Variants in NXPE1 observed in about 807,000 individuals in gnomAD.
NXPE1 encodes the protein NXPE family member 1.
NXPE1 carries 31 observed loss-of-function variants against 33.3 expected under a neutral mutation model. The ratio of observed to expected loss-of-function variants is 0.93; its 90% CI spans 0.70 to 1.26. The LOEUF (loss-of-function observed/expected upper bound fraction) is 1.26. Among genes scored for constraint, NXPE1 ranks in the 50% most tolerant of loss-of-function variants. The pLI is 0.00. For synonymous variants in NXPE1, 229 were observed against 231.4 expected (o/e 0.99, Z 0.09); for missense variants, 661 against 655.6 (o/e 1.01, Z -0.09).
At chr11:114,527,897 T>G (rs1947428649) in exon 7 of NXPE1, 1 of 1,555,866 alleles carries the variant, frequency 6.4e-7, no homozygotes, top group African/African-American at 2.0e-5. Flanking sequence ...ACTCCCACTT[T>G]GGACCTTCAA....
intron 1 of NXPE1, chr11:114,554,123 A>G (rs565606541): frequency 1.0e-6 from 1 of 985,368 alleles, no homozygotes; most frequent in South Asian, 4.7e-5. Context: ...ATGCTTCTAT[A>G]TGGTCATCCT....
intron 6 of NXPE1, 28 bp from the exon 7 acceptor site, chr11:114,527,929 TA>T: frequency 6.4e-7 from 1 of 1,551,136 alleles, no homozygotes. Context: ...AACAATAAAT[TA>T]GCCTGCTCTC....
At chr11:114,534,711 G>A (rs1453911168) in intron 5 of NXPE1, among the ~76,000 whole-genome samples, 2 of 152,146 alleles carry the variant, frequency 1.3e-5, no homozygotes, top group Non-Finnish European at 2.9e-5. Context: ...TGAATGAAAT[G>A]AAGCATGAAG....
chr11:114,530,294 G>T (rs1306003499), exon 6 of NXPE1: 1 of 1,614,102 alleles, frequency 6.2e-7, no homozygotes, highest in African/African-American at 1.3e-5. Flanking sequence ...AGGCTTCTTG[G>T]TCTCTGTCAT....
At position 114,549,897 on chromosome 11, in the gene NXPE1, TA is replaced by T. The variant is rs536580606; in HGVS notation, c.99+1205del. Among the ~76,000 whole-genome samples the T allele has an allele frequency of 6.3e-3, 963 of 151,836 alleles. 4 individuals carry two copies. The highest frequency in any genetic ancestry group is 0.011 in the African/African-American group (438 of 41,444). On this transcript the variant is annotated intron_variant, in intron 5 of 8. Transcript: ENST00000534921. ...TAGTAAAATAGTAGGAAATAATATATAAAAAAATAGCTTTTGTGTATATAGA... is the reference window on the plus strand; with the variant it reads ...TAGTAAAATAGTAGGAAATAATATATAAAAAATAGCTTTTGTGTATATAGA...
At chr11:114,552,319 G>C (rs1294760320) in intron 2 of NXPE1, among the ~76,000 whole-genome samples, 1 of 152,074 alleles carries the variant, frequency 6.6e-6, no homozygotes. Flanking sequence ...GAGAAGACAA[G>C]GGGCAGCTCT....
At chr11:114,538,833 G>A (rs1272117933) in intron 5 of NXPE1, among the ~76,000 whole-genome samples, 3 of 152,162 alleles carry the variant, frequency 2.0e-5, no homozygotes, top group Non-Finnish European at 2.9e-5. Flanking sequence ...TACATTGTTG[G>A]TGGGACTGTA....
chr11:114,542,428 T>C (rs1331736116), intron 5 of NXPE1, among the ~76,000 whole-genome samples: 3 of 152,114 alleles, frequency 2.0e-5, no homozygotes, highest in Non-Finnish European at 4.4e-5. Flanking sequence ...AAGTTTGATA[T>C]GAGGATTTAT....
At chr11:114,544,961 A>G (rs1254250131) in intron 5 of NXPE1, among the ~76,000 whole-genome samples, 1 of 152,180 alleles carries the variant, frequency 6.6e-6, no homozygotes, top group Non-Finnish European at 1.5e-5. Context: ...ATATATAAAA[A>G]AGACACTCAA....
At chr11:114,521,277 A>G (rs573026022), downstream of NXPE1, among the ~76,000 whole-genome samples, 3 of 152,292 alleles carry the variant, frequency 2.0e-5, no homozygotes, top group Admixed American at 6.5e-5. Context: ...TTATTCTTGC[A>G]TGTCTCTTTT....
At chr11:114,535,547 G>T (rs1057504447) in intron 5 of NXPE1, among the ~76,000 whole-genome samples, 1 of 152,134 alleles carries the variant, frequency 6.6e-6, no homozygotes, top group Non-Finnish European at 1.5e-5. Context: ...CATCTCACAT[G>T]CAGAGACATA....
intron 6 of NXPE1, chr11:114,529,091 A>C (rs780118128): frequency 2.9e-6 from 1 of 339,894 alleles, no homozygotes; most frequent in African/African-American, 2.1e-5. Context: ...TTTTTTTGAA[A>C]GCTTATGGAA....
At chr11:114,536,530 G>A (rs181695858) in intron 5 of NXPE1, among the ~76,000 whole-genome samples, 132 of 152,072 alleles carry the variant, frequency 8.7e-4, no homozygotes, top group East Asian at 2.5e-3. Context: ...TTGATAGACC[G>A]CTAGCAAGAC....
chr11:114,554,822 G>A (rs1948611028), intron 1 of NXPE1, among the ~76,000 whole-genome samples: 1 of 152,158 alleles, frequency 6.6e-6, no homozygotes, highest in Non-Finnish European at 1.5e-5. Flanking sequence ...AAATAAAGGT[G>A]TTATTTTTTT....
chr11:114,535,610 A>C (rs1947786824), intron 5 of NXPE1, among the ~76,000 whole-genome samples: 1 of 152,182 alleles, frequency 6.6e-6, no homozygotes, highest in South Asian at 2.1e-4. Context: ...AATGGAAAAC[A>C]AAAAAATGCA....
intron 5 of NXPE1, among the ~76,000 whole-genome samples, chr11:114,545,964 C>T (rs1292484833): frequency 6.6e-6 from 1 of 152,086 alleles, no homozygotes; most frequent in South Asian, 2.1e-4. Context: ...GCTGGGATTA[C>T]AGGCATGAGC....
chr11:114,557,776 A>G (rs1948691559), intron 1 of NXPE1, among the ~76,000 whole-genome samples: 1 of 151,190 alleles, frequency 6.6e-6, no homozygotes, highest in South Asian at 2.1e-4. Flanking sequence ...TGCTTCAAGA[A>G]CTATCTTTAA....
intron 1 of NXPE1, among the ~76,000 whole-genome samples, chr11:114,557,648 T>C (rs1383199918): frequency 2.1e-5 from 1 of 47,336 alleles, no homozygotes; most frequent in Non-Finnish European, 3.8e-5. Flanking sequence ...TATATATATA[T>C]ATATATATAT....
At chr11:114,520,189 C>T (rs1947181623), downstream of NXPE1, among the ~76,000 whole-genome samples, 1 of 152,138 alleles carries the variant, frequency 6.6e-6, no homozygotes, top group Non-Finnish European at 1.5e-5. Context: ...AGTTCTCATG[C>T]TGTACATTAG....
Sources: allele counts gnomAD v4.1 joint callset (sites outside exome capture counted in the v4.1 genomes callset), GRCh38; gene constraint gnomAD v4.1.1; transcripts MANE v1.5; gene names NCBI Gene and HGNC (gene_info 2026-07-23, HGNC 2026-07-21).